Variants in SYNE2 observed in about 807,000 individuals in gnomAD.
SYNE2 encodes spectrin repeat containing nuclear envelope protein 2.
In SYNE2, 431 loss-of-function variants were observed where a neutral mutation model predicts 856.3. The observed-to-expected ratio is 0.50, with a 90% CI of 0.47 to 0.55. The LOEUF (loss-of-function observed/expected upper bound fraction) is 0.55, where lower values mean the gene tolerates loss of function less well. SYNE2 is among the 20% of genes least tolerant of loss of function. The probability of loss-of-function intolerance (pLI) is 0.00; values close to 1 mark genes in which losing one functional copy is unlikely to be tolerated. For synonymous variants in SYNE2, 2,923 were observed against 2,872.3 expected (o/e 1.02, Z -0.56); for missense variants, 8,129 against 8,023.2 (o/e 1.01, Z -0.50).
chr14:64,036,493 C>T (rs535190776), intron 45 of SYNE2, among the ~76,000 whole-genome samples: 10 of 152,002 alleles, frequency 6.6e-5, no homozygotes, highest in South Asian at 2.1e-4. Context: ...CCATGTTGCC[C>T]GGGCAGGTCT....
chr14:63,944,517 C>CTTTTTTT (rs1188374243), intron 6 of SYNE2, among the ~76,000 whole-genome samples: 16 of 90,124 alleles, frequency 1.8e-4, no homozygotes, highest in East Asian at 3.2e-4. Context: ...TAAAGCCTTT[C>CTTTTTTT]TTTTTTTTTT....
chr14:64,126,359 G>A lies in SYNE2; in HGVS notation c.13587G>A (p.Leu4529=), dbSNP rs1437223394. Residue 4529 remains leucine, a synonymous_variant, in exon 72 of 116, where the codon TTG becomes TTA. Coordinates refer to ENST00000555002, the MANE Select transcript of SYNE2 (RefSeq NM_182914.3). ...ENMTEEAYIN[L]DKKLFELFLT... ...TGACAGAAGAAGCATATATCAATTT[G>A]GATAAAAAATTGTTTGAACTATTCC... 2 of 1,613,900 alleles carry A rather than the reference G, an allele frequency of 1.2e-6. No homozygotes were observed. The highest frequency in any genetic ancestry group is 1.7e-6 in the Non-Finnish European group (2 of 1,179,834).
intron 84 of SYNE2, among the ~76,000 whole-genome samples, chr14:64,148,457 C>T (rs373151146): frequency 9.9e-5 from 15 of 152,150 alleles, no homozygotes; most frequent in East Asian, 7.7e-4. Flanking sequence ...CATCATCCCT[C>T]GTCAGTCCCC....
intron 31 of SYNE2, among the ~76,000 whole-genome samples, chr14:64,008,808 T>C (rs920671225): frequency 6.6e-6 from 1 of 152,174 alleles, no homozygotes; most frequent in African/African-American, 2.4e-5. Flanking sequence ...TTTCCGCATG[T>C]GGTTCTGACA....
chr14:64,176,155 T>A (rs2098434789), intron 95 of SYNE2, among the ~76,000 whole-genome samples: 1 of 152,152 alleles, frequency 6.6e-6, no homozygotes, highest in Non-Finnish European at 1.5e-5. Context: ...TCATTGTAGG[T>A]TTGTATAGTT....
At chr14:64,143,645 G>C in intron 82 of SYNE2, 127 bp from the exon 83 acceptor site, 1 of 969,820 alleles carries the variant, frequency 1.0e-6, no homozygotes, top group Non-Finnish European at 1.6e-6. Context: ...GGGTAGAACA[G>C]AACTCCTGAC....
chr14:63,822,399 G>C (rs1889255524), intron 1 of SYNE2, among the ~76,000 whole-genome samples: 1 of 152,080 alleles, frequency 6.6e-6, no homozygotes, highest in East Asian at 1.9e-4. Context: ...CCATTCCCAA[G>C]GCCTGTCTTT....
At chr14:64,038,641 G>GACC (rs895417383) in intron 45 of SYNE2, among the ~76,000 whole-genome samples, 1 of 152,238 alleles carries the variant, frequency 6.6e-6, no homozygotes, top group African/African-American at 2.4e-5. Flanking sequence ...AGGAGCTGGA[G>GACC]ACCAGCCCGG....
chr14:64,144,013 C>G (rs1050165439), intron 83 of SYNE2, 65 bp downstream of exon 83: 1 of 1,584,852 alleles, frequency 6.3e-7, no homozygotes, highest in Non-Finnish European at 8.6e-7. Flanking sequence ...TCTGAAAAAT[C>G]AAAAAAGACG....
chr14:64,132,926 G>A (rs916696933), intron 77 of SYNE2, among the ~76,000 whole-genome samples: 9 of 152,178 alleles, frequency 5.9e-5, no homozygotes, highest in Non-Finnish European at 1.2e-4. Flanking sequence ...AAGGAGGCCG[G>A]GCGCAGTGGC....
Position 64,098,061 on chromosome 14 carries a change from A to G in SYNE2, c.12221A>G (p.Glu4074Gly). The G allele has an allele frequency of 2.5e-6, 4 of 1,614,210 alleles. No homozygotes were observed. Among genetic ancestry groups the G allele is most frequent in the Non-Finnish European group, 3.4e-6 (4 of 1,180,036 alleles). The change falls in exon 62 of 116, where the codon GAA becomes GGA. Residue 4074 changes from glutamate (E) to glycine (G), a missense_variant. Transcript: ENST00000555002. Reference protein sequence around the residue: ...VLNLHQHLKQEQEGVERDRLP... With the variant: ...VLNLHQHLKQGQEGVERDRLP... ...AACCTTCACCAGCATTTGAAGCAAG[A>G]ACAAGAAGGAGTAGAAAGAGATAGG...
chr14:64,070,773 C>T lies in SYNE2; in HGVS notation c.10560C>T (p.Asn3520=), dbSNP rs373942534. 15 of 1,614,070 alleles carry T rather than the reference C, an allele frequency of 9.3e-6. No individual in the cohort carries two copies. The Admixed American group carries it at 1.0e-4, about 11-fold the overall frequency. ...ACTGTTTATGCCAATATGGAGAGAA[C>T]GTGGAGAAGCAACAGCTGTTACTGA... ...LLDCLCQYGE[N]VEKQQLLLTL... Residue 3520 remains asparagine (N), a synonymous_variant, in exon 52 of 116, where the codon AAC becomes AAT. Coordinates refer to ENST00000555002, the MANE Select transcript of SYNE2 (RefSeq NM_182914.3).
chr14:63,818,118 G>A (rs933372250), intron 1 of SYNE2, among the ~76,000 whole-genome samples: 2 of 151,790 alleles, frequency 1.3e-5, no homozygotes, highest in South Asian at 2.1e-4. Flanking sequence ...GGCCGAGGTG[G>A]GCACATCACA....
chr14:63,824,457 G>A (rs919824976), intron 1 of SYNE2, among the ~76,000 whole-genome samples: 2 of 150,958 alleles, frequency 1.3e-5, no homozygotes, highest in Non-Finnish European at 3.0e-5. Flanking sequence ...TGGCCAACAG[G>A]GCAAAACCCT....
intron 1 of SYNE2, among the ~76,000 whole-genome samples, chr14:63,826,662 A>G (rs1889443216): frequency 6.6e-6 from 1 of 152,086 alleles, no homozygotes; most frequent in African/African-American, 2.4e-5. Context: ...CAAGAATGAC[A>G]CCTACAAACA....
intron 56 of SYNE2, among the ~76,000 whole-genome samples, chr14:64,081,112 G>T (rs995801234): frequency 2.6e-5 from 4 of 152,178 alleles, no homozygotes; most frequent in Non-Finnish European, 5.9e-5. Flanking sequence ...GTAGGGCAAG[G>T]TCCTGAACAG....
At chr14:64,122,970 A>G (rs2097909689) in intron 70 of SYNE2, among the ~76,000 whole-genome samples, 1 of 151,966 alleles carries the variant, frequency 6.6e-6, no homozygotes, top group South Asian at 2.1e-4. Flanking sequence ...GTGGTGGTGC[A>G]TGCCTGTAAT....
intron 99 of SYNE2, among the ~76,000 whole-genome samples, chr14:64,195,699 C>T (rs2098537876): frequency 1.3e-5 from 2 of 152,200 alleles, no homozygotes; most frequent in Admixed American, 6.5e-5. Flanking sequence ...GGCAGGAATA[C>T]GTGTGCCTTT....
chr14:63,984,222 T>A (rs2096608047), intron 18 of SYNE2, among the ~76,000 whole-genome samples: 1 of 152,148 alleles, frequency 6.6e-6, no homozygotes, highest in African/African-American at 2.4e-5. Flanking sequence ...CCAGCCTGGG[T>A]GACAGAGTAA....
Sources: allele counts gnomAD v4.1 joint callset (sites outside exome capture counted in the v4.1 genomes callset), GRCh38; gene constraint gnomAD v4.1.1; transcripts MANE v1.5; gene names NCBI Gene and HGNC (gene_info 2026-07-23, HGNC 2026-07-21).